The following ADK variants were observed in gnomAD, a reference collection of about 807,000 sequenced individuals.
ADK encodes N6,N6-dimethyladenosine kinase.
A neutral mutation model predicts 44.7 loss-of-function variants in ADK; 24 were observed. The observed-to-expected ratio is 0.54, with a 90% CI of 0.39 to 0.76. ADK has a LOEUF of 0.76. Ranked by LOEUF, ADK falls within the 30% of genes least tolerant of loss-of-function variation. The pLI is 0.00. For synonymous variants in ADK, 128 were observed against 142.6 expected (o/e 0.90, Z 0.73); for missense variants, 321 against 425.1 (o/e 0.76, Z 2.15).
chr10:74,476,982 G>T (rs985506898), intron 6 of ADK, among the ~76,000 whole-genome samples: 3 of 152,074 alleles, frequency 2.0e-5, no homozygotes, highest in Non-Finnish European at 4.4e-5. Flanking sequence ...TGTTTAGTAT[G>T]TAAAATATAT....
intron 2 of ADK, among the ~76,000 whole-genome samples, chr10:74,205,367 A>G (rs1843554573): frequency 6.6e-6 from 1 of 152,042 alleles, no homozygotes; most frequent in Non-Finnish European, 1.5e-5. Flanking sequence ...AATGTAGAGC[A>G]GGTTAACATT....
intron 3 of ADK, among the ~76,000 whole-genome samples, chr10:74,307,063 A>G (rs1226174673): frequency 6.6e-6 from 1 of 152,030 alleles, no homozygotes; most frequent in Non-Finnish European, 1.5e-5. Flanking sequence ...GTGAATTTTC[A>G]GGTTCCACAT....
At chr10:74,679,847 G>T (rs576465801) in intron 10 of ADK, among the ~76,000 whole-genome samples, 1 of 152,082 alleles carries the variant, frequency 6.6e-6, no homozygotes, top group South Asian at 2.1e-4. Flanking sequence ...TATAATCCCA[G>T]CTACTCAGGC....
At chr10:74,180,456 C>CT (rs1199684944) in intron 1 of ADK, among the ~76,000 whole-genome samples, 2,462 of 68,262 alleles carry the variant, frequency 0.036, 297 homozygotes, top group African/African-American at 0.12. Flanking sequence ...CCAGGCTAGT[C>CT]TTTTTTTTTT....
chr10:74,409,387 C>T lies in ADK; in HGVS notation c.555+10808C>T, dbSNP rs573369694. 7.2e-5 allele frequency among the ~76,000 whole-genome samples: 11 copies of T among 152,176 alleles called. No homozygotes were observed. In the East Asian group the frequency reaches 1.3e-3, roughly 19 times the overall value. ...TTTCAGTACCTTGTGACTTACCCTGCGTAAACAAGGTCAGCCAAATTTGTA... is the reference window on the plus strand; with the variant it reads ...TTTCAGTACCTTGTGACTTACCCTGTGTAAACAAGGTCAGCCAAATTTGTA... On this transcript the variant is annotated intron_variant, in intron 6 of 10. Transcript: ENST00000539909.
At chr10:74,702,808 A>C (rs192784627) in intron 10 of ADK, among the ~76,000 whole-genome samples, 243 of 152,158 alleles carry the variant, frequency 1.6e-3, no homozygotes, top group African/African-American at 5.7e-3. Flanking sequence ...CATGTTGGCC[A>C]GGCTGGTCTC....
intron 6 of ADK, among the ~76,000 whole-genome samples, chr10:74,498,744 C>G (rs1284821693): frequency 6.6e-6 from 1 of 152,126 alleles, no homozygotes; most frequent in Admixed American, 6.5e-5. Flanking sequence ...TCTCATTGTT[C>G]AATTCCCACC....
intron 7 of ADK, among the ~76,000 whole-genome samples, chr10:74,551,090 C>A (rs1850020559): frequency 6.6e-6 from 1 of 152,078 alleles, no homozygotes; most frequent in South Asian, 2.1e-4. Context: ...GGTACTGACT[C>A]AAGGATGTAC....
intron 9 of ADK, among the ~76,000 whole-genome samples, chr10:74,634,994 G>A (rs1333046794): frequency 6.6e-6 from 1 of 152,072 alleles, no homozygotes; most frequent in Non-Finnish European, 1.5e-5. Flanking sequence ...TGACCTTTAG[G>A]ACAACAGCAA....
At chr10:74,332,761 C>T (rs1207321612) in intron 4 of ADK, among the ~76,000 whole-genome samples, 1 of 151,982 alleles carries the variant, frequency 6.6e-6, no homozygotes, top group Non-Finnish European at 1.5e-5. Flanking sequence ...TTAATTTAAC[C>T]AATGAAATGT....
At chr10:74,446,255 C>T (rs1404810092) in intron 6 of ADK, among the ~76,000 whole-genome samples, 1 of 152,040 alleles carries the variant, frequency 6.6e-6, no homozygotes. Context: ...GTTTAATTTA[C>T]TCTTTCAGGA....
chr10:74,369,562 C>T (rs905555927), intron 4 of ADK, among the ~76,000 whole-genome samples: 1 of 152,134 alleles, frequency 6.6e-6, no homozygotes, highest in African/African-American at 2.4e-5. Context: ...TCTTAAGACA[C>T]AGAACAAGCA....
At chr10:74,189,644 A>C (rs776909567) in intron 1 of ADK, among the ~76,000 whole-genome samples, 3 of 152,246 alleles carry the variant, frequency 2.0e-5, no homozygotes, top group Non-Finnish European at 4.4e-5. Context: ...TGCACAGCTC[A>C]GTAGTTTTCA....
At chr10:74,656,705 G>A (rs959044623) in intron 9 of ADK, among the ~76,000 whole-genome samples, 6 of 152,268 alleles carry the variant, frequency 3.9e-5, no homozygotes, top group East Asian at 1.9e-4. Context: ...CAGGGTTGAC[G>A]TGAGGATTAC....
At chr10:74,466,660 T>C (rs887226330) in intron 6 of ADK, among the ~76,000 whole-genome samples, 7 of 152,150 alleles carry the variant, frequency 4.6e-5, no homozygotes, top group African/African-American at 1.7e-4. Flanking sequence ...TGAGATCAAA[T>C]TTATGTTGCT....
intron 6 of ADK, among the ~76,000 whole-genome samples, chr10:74,455,659 G>A (rs562076024): frequency 1.7e-4 from 26 of 152,188 alleles, no homozygotes; most frequent in African/African-American, 4.6e-4. Context: ...ACAGGTGTGC[G>A]CCACCACGCC....
At chr10:74,356,003 T>TATTGTG (rs1554847170) in intron 4 of ADK, among the ~76,000 whole-genome samples, 8 of 30,672 alleles carry the variant, frequency 2.6e-4, no homozygotes, top group Non-Finnish European at 4.9e-4. Context: ...AAATAATTCA[T>TATTGTG]TTTTTTTTTT....
At chr10:74,470,580 T>TCCTCACTAGCAC (rs1173993030) in intron 6 of ADK, among the ~76,000 whole-genome samples, 5 of 150,878 alleles carry the variant, frequency 3.3e-5, no homozygotes, top group African/African-American at 4.9e-5. Flanking sequence ...TTTCTCCACA[T>TCCTCACTAGCAC]TCTGTATCTT....
chr10:74,571,216 T>C (rs1261437715), intron 7 of ADK, among the ~76,000 whole-genome samples: 5 of 152,210 alleles, frequency 3.3e-5, no homozygotes, highest in African/African-American at 1.2e-4. Context: ...ATTTTTGCAT[T>C]GATGTTCATC....
Sources: allele counts gnomAD v4.1 joint callset (sites outside exome capture counted in the v4.1 genomes callset), GRCh38; gene constraint gnomAD v4.1.1; transcripts MANE v1.5; gene names NCBI Gene and HGNC (gene_info 2026-07-23, HGNC 2026-07-21).